Variants in MAST4 observed in about 807,000 individuals in gnomAD.
The protein encoded by MAST4 is microtubule-associated serine/threonine-protein kinase 4.
A neutral mutation model predicts 162.7 loss-of-function variants in MAST4; 89 were observed. That is an observed-to-expected ratio of 0.55 (90% CI 0.46 to 0.65). The LOEUF is 0.65. Among genes scored for constraint, MAST4 ranks in the 30% least tolerant of loss-of-function variants. The pLI is 0.00. For synonymous variants in MAST4, 1,479 were observed against 1,361.1 expected, an observed-to-expected ratio of 1.09 and a Z score of -1.91; for missense variants, 3,153 against 3,374.0, an observed-to-expected ratio of 0.93 and a Z score of 1.62.
intron 5 of MAST4, among the ~76,000 whole-genome samples, chr5:67,081,005 TATAATATATAATTGTATATATTATATA>T (rs1762549368): frequency 8.2e-6 from 1 of 122,220 alleles, no homozygotes; most frequent in African/African-American, 3.7e-5. Context: ...TATTATATAA[TATAATATATAATTGTATATATTATATA>T]ATATAATATA....
At chr5:66,689,704 A>G (rs888485811) in intron 1 of MAST4, among the ~76,000 whole-genome samples, 1 of 152,166 alleles carries the variant, frequency 6.6e-6, no homozygotes, top group Non-Finnish European at 1.5e-5. Context: ...TTGATAAATA[A>G]CATCTCCAGT....
intron 1 of MAST4, among the ~76,000 whole-genome samples, chr5:66,649,065 A>G (rs2149445467): frequency 6.6e-6 from 1 of 152,260 alleles, no homozygotes; most frequent in East Asian, 1.9e-4. Context: ...GTGGTCTCCA[A>G]ATGCCTGTGT....
chr5:66,814,400 G>A (rs560335190), intron 3 of MAST4, among the ~76,000 whole-genome samples: 81 of 152,080 alleles, frequency 5.3e-4, no homozygotes, highest in African/African-American at 1.6e-3. Flanking sequence ...CCTCCCTTGC[G>A]CCTAATCAAG....
At chr5:66,711,276 T>G (rs1449158084) in intron 1 of MAST4, among the ~76,000 whole-genome samples, 2 of 152,220 alleles carry the variant, frequency 1.3e-5, no homozygotes, top group Non-Finnish European at 2.9e-5. Flanking sequence ...ACAAGCTACT[T>G]CTTTTCTGAA....
chr5:66,997,509 G>A (rs2150303726), intron 4 of MAST4, among the ~76,000 whole-genome samples: 1 of 146,378 alleles, frequency 6.8e-6, no homozygotes, highest in East Asian at 2.0e-4. Context: ...TCGGCTCACT[G>A]CAACCTCCAT....
intron 1 of MAST4, among the ~76,000 whole-genome samples, chr5:66,620,109 C>T (rs558292473): frequency 6.8e-6 from 1 of 147,632 alleles, no homozygotes; most frequent in Admixed American, 6.8e-5. Context: ...TAATTGTTAC[C>T]TGGTTATTAT....
rs1344196632 is a variant in MAST4, at chr5:67,142,122, A to C, written c.2502A>C (p.Ala834=). 6.2e-7 allele frequency: 1 copy of C among 1,613,748 alleles called. No homozygotes were observed. Among genetic ancestry groups the C allele is most frequent in the Non-Finnish European group, 8.5e-7 (1 of 1,179,758 alleles). The part of the protein sequence containing the change: ...NPLERLGTGG[A]YEVKQHRFFR... ...CTACCTGCCCCCTTCCAGGTGGTGCATATGAAGTCAAACAGCATCGATTCT... is the reference window on the plus strand; with the variant it reads ...CTACCTGCCCCCTTCCAGGTGGTGCCTATGAAGTCAAACAGCATCGATTCT... The change falls in exon 20 of 29, where the codon GCA becomes GCC. Residue 834 remains alanine (A), a synonymous_variant. Coordinates refer to ENST00000403625, the MANE Select transcript of MAST4 (RefSeq NM_001164664.2).
intron 4 of MAST4, among the ~76,000 whole-genome samples, chr5:66,997,629 C>T (rs1316677060): frequency 5.3e-5 from 8 of 151,802 alleles, no homozygotes; most frequent in Admixed American, 2.0e-4. Context: ...GACGGGGTTT[C>T]GCCACGTTGG....
At chr5:67,125,542 G>A (rs1282826975) in intron 14 of MAST4, among the ~76,000 whole-genome samples, 1 of 152,058 alleles carries the variant, frequency 6.6e-6, no homozygotes, top group African/African-American at 2.4e-5. Context: ...TGAGAATGAT[G>A]GTTTCCAGCT....
chr5:66,926,618 ATATG>A, intron 4 of MAST4, among the ~76,000 whole-genome samples: 1 of 151,548 alleles, frequency 6.6e-6, no homozygotes, highest in East Asian at 1.9e-4. Context: ...GTATATGTAT[ATATG>A]TGTGTATATA....
intron 1 of MAST4, among the ~76,000 whole-genome samples, chr5:66,657,690 G>A (rs958289289): frequency 6.6e-5 from 10 of 152,188 alleles, no homozygotes; most frequent in Admixed American, 2.0e-4. Context: ...CATTCAGCTT[G>A]AGTTCTGCTT....
intron 4 of MAST4, among the ~76,000 whole-genome samples, chr5:66,914,942 ACT>A (rs1052032377): frequency 6.1e-4 from 92 of 152,044 alleles, no homozygotes; most frequent in African/African-American, 2.1e-3. Context: ...AGGATGAGAA[ACT>A]CTGATCTAGA....
intron 1 of MAST4, among the ~76,000 whole-genome samples, chr5:66,752,880 A>C (rs1210827117): frequency 6.6e-6 from 1 of 152,146 alleles, no homozygotes; most frequent in Non-Finnish European, 1.5e-5. Flanking sequence ...ACCTATTCCA[A>C]AATTGACCAC....
chr5:67,109,133 A>G (rs1453367947), intron 10 of MAST4, among the ~76,000 whole-genome samples: 3 of 152,144 alleles, frequency 2.0e-5, no homozygotes, highest in Non-Finnish European at 4.4e-5. Context: ...TGCTTGGGCA[A>G]TATATAAAAT....
At chr5:66,769,164 C>G (rs1213407061) in intron 2 of MAST4, among the ~76,000 whole-genome samples, 3 of 152,156 alleles carry the variant, frequency 2.0e-5, no homozygotes, top group African/African-American at 7.2e-5. Flanking sequence ...TAGGGAAATT[C>G]ATGTACTGGG....
intron 4 of MAST4, among the ~76,000 whole-genome samples, chr5:66,994,698 T>C: frequency 6.6e-6 from 1 of 152,222 alleles, no homozygotes; most frequent in Non-Finnish European, 1.5e-5. Context: ...AGTCTAACTA[T>C]ATACAGACAG....
chr5:66,748,891 G>A (rs1260384954), intron 1 of MAST4, among the ~76,000 whole-genome samples: 1 of 151,864 alleles, frequency 6.6e-6, no homozygotes, highest in Non-Finnish European at 1.5e-5. Context: ...GGATGGTGTG[G>A]TCTAGGACTG....
At chr5:66,728,708 T>A (rs895775579) in intron 1 of MAST4, among the ~76,000 whole-genome samples, 5 of 152,166 alleles carry the variant, frequency 3.3e-5, no homozygotes, top group African/African-American at 1.2e-4. Context: ...CTGGAGGAAT[T>A]TTATTGGGAC....
chr5:66,648,372 G>A (rs1746001541), intron 1 of MAST4, among the ~76,000 whole-genome samples: 1 of 152,124 alleles, frequency 6.6e-6, no homozygotes, highest in Non-Finnish European at 1.5e-5. Context: ...ATGCTCAAGA[G>A]TGAAGTTCGA....
Sources: gnomAD v4.1 joint callset for allele counts (sites outside exome capture counted in the v4.1 genomes callset) on GRCh38, gnomAD v4.1.1 for gene constraint, MANE v1.5 for transcripts, NCBI Gene and HGNC (gene_info 2026-07-23, HGNC 2026-07-21) for gene names.